The following DYNC1I1 variants were observed in gnomAD, a reference collection of about 807,000 sequenced individuals.
The protein encoded by DYNC1I1 is cytoplasmic dynein 1 intermediate chain 1.
DYNC1I1 carries 43 observed loss-of-function variants against 86.6 expected under a neutral mutation model. That is an observed-to-expected ratio of 0.50 (90% CI 0.39 to 0.64). The LOEUF is 0.64. DYNC1I1 is among the 30% of genes least tolerant of loss of function. The pLI is 0.00. For missense variants in DYNC1I1, 604 were observed against 788.8 expected (o/e 0.77, Z 2.81); for synonymous variants, 262 against 283.7 (o/e 0.92, Z 0.77).
At chr7:95,836,622 G>A (rs1789101001) in intron 5 of DYNC1I1, among the ~76,000 whole-genome samples, 1 of 151,912 alleles carries the variant, frequency 6.6e-6, no homozygotes, top group Non-Finnish European at 1.5e-5. Flanking sequence ...ACGTAGATTT[G>A]GTCTTTTCAC....
At chr7:96,052,152 T>C (rs1191706011) in intron 14 of DYNC1I1, among the ~76,000 whole-genome samples, 1 of 152,074 alleles carries the variant, frequency 6.6e-6, no homozygotes, top group African/African-American at 2.4e-5. Flanking sequence ...TAAATGCTGG[T>C]TTTTAAAAAG....
chr7:96,024,969 A>T (rs1018205581), intron 10 of DYNC1I1, among the ~76,000 whole-genome samples: 5 of 152,190 alleles, frequency 3.3e-5, no homozygotes, highest in African/African-American at 7.2e-5. Context: ...AGGATTGTTG[A>T]TGTAGACTTT....
chr7:95,853,872 T>C (rs1434476466), intron 5 of DYNC1I1, among the ~76,000 whole-genome samples: 1 of 152,222 alleles, frequency 6.6e-6, no homozygotes, highest in Non-Finnish European at 1.5e-5. Flanking sequence ...ATAACAACTG[T>C]GGAATTGATC....
chr7:95,810,978 A>G (rs577051890), intron 3 of DYNC1I1, among the ~76,000 whole-genome samples: 9 of 152,284 alleles, frequency 5.9e-5, no homozygotes, highest in African/African-American at 2.2e-4. Context: ...ATTTGAAGGA[A>G]AACAAAATGG....
At chr7:96,022,423 G>A (rs1449008206) in intron 10 of DYNC1I1, among the ~76,000 whole-genome samples, 1 of 151,768 alleles carries the variant, frequency 6.6e-6, no homozygotes, top group Non-Finnish European at 1.5e-5. Flanking sequence ...TCAAGAAGGA[G>A]CAGGTAACTA....
intron 2 of DYNC1I1, among the ~76,000 whole-genome samples, chr7:95,809,764 T>C (rs1328774971): frequency 1.3e-5 from 2 of 152,194 alleles, no homozygotes; most frequent in African/African-American, 4.8e-5. Flanking sequence ...TTCTACATGA[T>C]AATTTTCTTC....
intron 10 of DYNC1I1, among the ~76,000 whole-genome samples, chr7:95,999,107 C>T (rs1332226522): frequency 6.6e-6 from 1 of 152,132 alleles, no homozygotes; most frequent in Admixed American, 6.5e-5. Flanking sequence ...TAGAAATCAG[C>T]CACTCAGCCC....
At chr7:96,058,710 C>T (rs558490843) in intron 14 of DYNC1I1, among the ~76,000 whole-genome samples, 1 of 151,982 alleles carries the variant, frequency 6.6e-6, no homozygotes, top group Non-Finnish European at 1.5e-5. Flanking sequence ...TCTCAGCTCA[C>T]TGCAACCTCC....
chr7:95,960,610 A>G (rs1032242300), intron 6 of DYNC1I1, among the ~76,000 whole-genome samples: 7 of 152,218 alleles, frequency 4.6e-5, no homozygotes, highest in Non-Finnish European at 8.8e-5. Context: ...AAGAGAAGGA[A>G]AAGAGTGATA....
intron 6 of DYNC1I1, among the ~76,000 whole-genome samples, chr7:95,958,167 G>A (rs544129707): frequency 1.3e-5 from 2 of 152,266 alleles, no homozygotes; most frequent in East Asian, 3.9e-4. Context: ...CCAAATGTCT[G>A]GTTGAGAACC....
intron 1 of DYNC1I1, among the ~76,000 whole-genome samples, chr7:95,800,830 C>T (rs1794559996): frequency 6.6e-6 from 1 of 152,248 alleles, no homozygotes; most frequent in Admixed American, 6.5e-5. Context: ...TCAGAATTGC[C>T]TTAGCAATAA....
chr7:96,000,975 G>A (rs1016297892), intron 10 of DYNC1I1, among the ~76,000 whole-genome samples: 4 of 152,256 alleles, frequency 2.6e-5, no homozygotes, highest in Non-Finnish European at 5.9e-5. Flanking sequence ...TTTTAAAATC[G>A]TTTTATTTGT....
At position 96,098,162 on chromosome 7, in the gene DYNC1I1, G is replaced by A; in HGVS notation, c.*569G>A. On this transcript the variant is annotated 3_prime_UTR_variant, in exon 17 of 17. Transcript: ENST00000447467. Reference sequence around the variant, plus strand: ...TCCTAGAGCATGTGCATAATGAGAGGACTGTATTCTCTCTGCTGCTGTTGA... The same window carrying A: ...TCCTAGAGCATGTGCATAATGAGAGAACTGTATTCTCTCTGCTGCTGTTGA... The A allele has an allele frequency of 1.0e-6, 1 of 981,322 alleles. No homozygotes were observed. Among genetic ancestry groups the A allele is most frequent in the Non-Finnish European group, 1.2e-6 (1 of 825,692 alleles). 60.8% of individuals were successfully genotyped at this position (981,322 alleles called of 1,614,324 possible).
intron 10 of DYNC1I1, among the ~76,000 whole-genome samples, chr7:96,002,564 A>G (rs1009687182): frequency 1.3e-5 from 2 of 152,188 alleles, no homozygotes; most frequent in Non-Finnish European, 2.9e-5. Flanking sequence ...CATAGTAAGT[A>G]CCCAGTGAGT....
chr7:95,867,804 A>G (rs1790053313), intron 5 of DYNC1I1, among the ~76,000 whole-genome samples: 1 of 152,154 alleles, frequency 6.6e-6, no homozygotes, highest in African/African-American at 2.4e-5. Context: ...TATAATAAAG[A>G]CTGATCTACT....
intron 6 of DYNC1I1, among the ~76,000 whole-genome samples, chr7:95,904,627 GTATATATATATATACACATATACACA>G (rs1453265408): frequency 2.0e-5 from 3 of 150,492 alleles, no homozygotes; most frequent in Admixed American, 2.0e-4. Context: ...ATGTGTGTAT[GTATATATATATATACACATATACACA>G]TGCACACATA....
intron 13 of DYNC1I1, among the ~76,000 whole-genome samples, chr7:96,036,617 C>T (rs758649021): frequency 1.3e-5 from 2 of 152,074 alleles, no homozygotes; most frequent in Admixed American, 6.6e-5. Context: ...GTACCTAGGA[C>T]ATAGTAAGTG....
At chr7:96,105,178 G>T (rs1791197234) in intron 16 of DYNC1I1, among the ~76,000 whole-genome samples, 1 of 151,316 alleles carries the variant, frequency 6.6e-6, no homozygotes, top group Admixed American at 6.6e-5. Flanking sequence ...GTTATATTTT[G>T]CAACCTTGCT....
chr7:95,828,262 T>C (rs1795246401), intron 5 of DYNC1I1, 146 bp downstream of exon 5: 3 of 847,024 alleles, frequency 3.5e-6, no homozygotes, highest in Non-Finnish European at 5.7e-6. Flanking sequence ...ATTTTCCTTA[T>C]AAAGCTTTGA....
Sources: gnomAD v4.1 joint callset for allele counts (sites outside exome capture counted in the v4.1 genomes callset) on GRCh38, gnomAD v4.1.1 for gene constraint, MANE v1.5 for transcripts, NCBI Gene and HGNC (gene_info 2026-07-23, HGNC 2026-07-21) for gene names.